The following UST variants were observed in gnomAD, a reference collection of about 807,000 sequenced individuals.
The protein encoded by UST is chondroitin sulfate 2-O-sulfotransferase.
A neutral mutation model predicts 45.6 loss-of-function variants in UST; 21 were observed. The ratio of observed to expected loss-of-function variants is 0.46; its 90% CI spans 0.33 to 0.66. The LOEUF is 0.66. Among genes scored for constraint, UST ranks in the 30% least tolerant of loss-of-function variants. The probability of loss-of-function intolerance (pLI) is 0.02; values close to 1 mark genes in which losing one functional copy is unlikely to be tolerated. For missense variants in UST, 463 were observed against 512.4 expected, an observed-to-expected ratio of 0.90 and a Z score of 0.93; for synonymous variants, 215 against 200.6, an observed-to-expected ratio of 1.07 and a Z score of -0.61.
At position 148,859,194 on chromosome 6, in the gene UST, T is replaced by A. The variant is rs181011851; in HGVS notation, c.248-27792T>A. Among the ~76,000 whole-genome samples the A allele has an allele frequency of 7.2e-3, 1,085 of 150,732 alleles. 6 individuals are homozygous for A. The highest frequency in any genetic ancestry group is 0.013 in the Admixed American group (194 of 15,012). ...TGACTTTTTACCATTCTAACTGGTG[T>A]GAGATGGTATCTCATTGTGGTTTTG... is the stretch of plus-strand genomic sequence containing the variant. On this transcript the variant is annotated intron_variant, in intron 1 of 7. Coordinates refer to ENST00000367463, the MANE Select transcript of UST (RefSeq NM_005715.3).
chr6:148,974,709 C>T (rs1285649877), intron 5 of UST, among the ~76,000 whole-genome samples: 1 of 152,186 alleles, frequency 6.6e-6, no homozygotes, highest in African/African-American at 2.4e-5. Context: ...ACAAGCAAAG[C>T]TTTTAAAACA....
chr6:148,771,994 AT>A (rs955945095), intron 1 of UST, among the ~76,000 whole-genome samples: 16 of 151,582 alleles, frequency 1.1e-4, no homozygotes, highest in East Asian at 3.9e-4. Context: ...CTCCTTCAAT[AT>A]TTTTTTTTCC....
intron 5 of UST, among the ~76,000 whole-genome samples, chr6:148,989,954 A>G (rs768538476): frequency 1.3e-5 from 2 of 152,224 alleles, no homozygotes; most frequent in Admixed American, 6.5e-5. Context: ...ATGAAAATCC[A>G]ACTAAAGAAA....
At chr6:148,827,607 T>A (rs1390368394) in intron 1 of UST, among the ~76,000 whole-genome samples, 3 of 151,128 alleles carry the variant, frequency 2.0e-5, no homozygotes, top group Non-Finnish European at 4.4e-5. Flanking sequence ...CAGAGCAAGA[T>A]TCTGTCTCAA....
chr6:148,752,447 G>A (rs1776007767), intron 1 of UST, among the ~76,000 whole-genome samples: 1 of 152,154 alleles, frequency 6.6e-6, no homozygotes, highest in African/African-American at 2.4e-5. Context: ...GGGTTGGTTG[G>A]GGACACAGTG....
At position 148,964,562 on chromosome 6, in the gene UST, T is replaced by G; in HGVS notation, c.680T>G (p.Leu227Arg). 2 of 1,613,354 alleles carry G rather than the reference T, an allele frequency of 1.2e-6. No homozygotes were observed. Among genetic ancestry groups the G allele is most frequent in the Non-Finnish European group, 1.7e-6 (2 of 1,180,010 alleles). The change falls in exon 5 of 8, where the codon CTG (leucine) becomes CGG (arginine). Residue 227 changes from leucine to arginine, a missense_variant and splice_region_variant. By Grantham distance (102) the Leu-to-Arg change is moderately radical. Coordinates refer to ENST00000367463, the MANE Select transcript of UST (RefSeq NM_005715.3). Reference sequence around the variant, plus strand: ...AGCATGAGGCAGGAGGAGCGCTACCTGGTAAGTCCTGTCGCATGCAAAAGG... The same window carrying G: ...AGCATGAGGCAGGAGGAGCGCTACCGGGTAAGTCCTGTCGCATGCAAAAGG... ...TPSMRQEERY[L>R]DINECILENY...
At chr6:148,900,350 A>G (rs1456095047) in intron 2 of UST, among the ~76,000 whole-genome samples, 2 of 152,116 alleles carry the variant, frequency 1.3e-5, no homozygotes, top group African/African-American at 4.8e-5. Context: ...CTTGAATTGT[A>G]GCTCCAATAA....
At chr6:148,894,884 C>T (rs1170881780) in intron 2 of UST, among the ~76,000 whole-genome samples, 2 of 136,650 alleles carry the variant, frequency 1.5e-5, no homozygotes, top group East Asian at 4.4e-4. Flanking sequence ...GTGGCGCGAT[C>T]TTGGCTCACT....
chr6:149,024,956 A>C (rs1233734788), intron 7 of UST, among the ~76,000 whole-genome samples: 2 of 152,134 alleles, frequency 1.3e-5, no homozygotes, highest in African/African-American at 4.8e-5. Context: ...CAAAAACAAA[A>C]AAAAAAATAG....
At chr6:148,881,733 A>G (rs1044070381) in intron 1 of UST, among the ~76,000 whole-genome samples, 1 of 152,166 alleles carries the variant, frequency 6.6e-6, no homozygotes, top group African/African-American at 2.4e-5. Flanking sequence ...ACTCCTTGAC[A>G]AGGCAGAGTA....
At chr6:148,963,939 T>C (rs968856393) in intron 4 of UST, among the ~76,000 whole-genome samples, 12 of 152,182 alleles carry the variant, frequency 7.9e-5, no homozygotes, top group African/African-American at 2.9e-4. Flanking sequence ...CTGTTTGAAT[T>C]ACAATATAGA....
chr6:148,890,776 A>T (rs973175131), intron 2 of UST, among the ~76,000 whole-genome samples: 8 of 152,274 alleles, frequency 5.3e-5, no homozygotes, highest in Admixed American at 3.9e-4. Context: ...CTAAGCCGCT[A>T]TTTACAGGTC....
At chr6:148,765,147 C>A (rs910619061) in intron 1 of UST, among the ~76,000 whole-genome samples, 3 of 152,136 alleles carry the variant, frequency 2.0e-5, no homozygotes, top group African/African-American at 7.2e-5. Context: ...TCGCTGTTAT[C>A]CTGTTCTTAA....
At chr6:148,935,104 A>G (rs1039628932) in intron 2 of UST, among the ~76,000 whole-genome samples, 1 of 152,136 alleles carries the variant, frequency 6.6e-6, no homozygotes, top group Admixed American at 6.5e-5. Context: ...GAACTTGTGG[A>G]TGTCATCTGG....
chr6:148,784,726 T>C (rs1257266912), intron 1 of UST, among the ~76,000 whole-genome samples: 1 of 152,204 alleles, frequency 6.6e-6, no homozygotes, highest in Non-Finnish European at 1.5e-5. Flanking sequence ...GTTGAATGAA[T>C]TGATGAATAC....
At position 148,964,576 on chromosome 6, in the gene UST, G is replaced by A. The variant is rs373066003; in HGVS notation, c.681+13G>A. On this transcript the variant is annotated intron_variant, in intron 5 of 7. Transcript: ENST00000367463. ...GGAGCGCTACCTGGTAAGTCCTGTC[G>A]CATGCAAAAGGCGGTCTCCCCACTG... The A allele has an allele frequency of 1.7e-5, 28 of 1,612,380 alleles. No individual in the cohort carries two copies. The highest frequency in any genetic ancestry group is 1.2e-4 in the African/African-American group (9 of 74,872).
chr6:148,775,134 A>G (rs1776506328), intron 1 of UST, among the ~76,000 whole-genome samples: 1 of 152,186 alleles, frequency 6.6e-6, no homozygotes, highest in South Asian at 2.1e-4. Flanking sequence ...AAACATACAT[A>G]TGCTATCCTC....
chr6:148,878,631 G>A (rs1291369855), intron 1 of UST, among the ~76,000 whole-genome samples: 10 of 132,880 alleles, frequency 7.5e-5, no homozygotes, highest in Non-Finnish European at 9.7e-5. Context: ...TGAGTGTGGA[G>A]ATCGTGTATG....
intron 1 of UST, among the ~76,000 whole-genome samples, chr6:148,844,269 G>C (rs1016708854): frequency 3.3e-5 from 5 of 152,140 alleles, no homozygotes; most frequent in African/African-American, 1.2e-4. Context: ...AACAGCCCTG[G>C]GAGGTAAGGC....
Sources: gnomAD v4.1 joint callset for allele counts (sites outside exome capture counted in the v4.1 genomes callset) on GRCh38, gnomAD v4.1.1 for gene constraint, MANE v1.5 for transcripts, NCBI Gene and HGNC (gene_info 2026-07-23, HGNC 2026-07-21) for gene names.